The following ANOS1 variants were observed in gnomAD, a reference collection of about 807,000 sequenced individuals.
The protein encoded by ANOS1 is anosmin 1.
A neutral mutation model predicts 59.0 loss-of-function variants in ANOS1; 6 were observed. That is an observed-to-expected ratio of 0.10 (90% CI 0.06 to 0.20). The LOEUF is 0.20. Among genes scored for constraint, ANOS1 ranks in the 10% least tolerant of loss-of-function variants. The pLI is 1.00. For synonymous variants in ANOS1, 217 were observed against 223.4 expected (o/e 0.97, Z 0.25); for missense variants, 433 against 542.3 (o/e 0.80, Z 2.00).
intron 3 of ANOS1, among the ~76,000 whole-genome samples, chrX:8,599,817 C>T (rs1235823858): frequency 8.9e-6 from 1 of 111,769 alleles, no homozygotes; most frequent in African/African-American, 3.3e-5. Context: ...GGCTATTAAC[C>T]AGAGAGTATT....
chrX:8,656,554 C>T (rs770510433), intron 2 of ANOS1, among the ~76,000 whole-genome samples: 2 of 111,352 alleles, frequency 1.8e-5, no homozygotes, highest in African/African-American at 6.5e-5. Flanking sequence ...CATTCATCCT[C>T]GTCTAAGTTG....
At chrX:8,630,344 T>A (rs914367679) in intron 2 of ANOS1, among the ~76,000 whole-genome samples, 1 of 110,347 alleles carries the variant, frequency 9.1e-6, no homozygotes, top group African/African-American at 3.3e-5. Context: ...GGTGGGAGAA[T>A]TGCTTGAACC....
At chrX:8,564,814 G>A (rs914016751) in intron 8 of ANOS1, among the ~76,000 whole-genome samples, 1 of 111,302 alleles carries the variant, frequency 9.0e-6, no homozygotes, top group African/African-American at 3.3e-5. Flanking sequence ...TGTACTCCAT[G>A]TAATAGATAT....
intron 9 of ANOS1, among the ~76,000 whole-genome samples, chrX:8,553,611 T>C (rs1929892213): frequency 9.0e-6 from 1 of 111,618 alleles, no homozygotes; most frequent in Admixed American, 9.6e-5. Flanking sequence ...CTTTCTAAAT[T>C]ATTTGTATTA....
At chrX:8,613,158 T>G (rs1931093448) in intron 3 of ANOS1, among the ~76,000 whole-genome samples, 1 of 111,931 alleles carries the variant, frequency 8.9e-6, no homozygotes, top group Non-Finnish European at 1.9e-5. Context: ...GTGTTTTTTG[T>G]TTTTATTTAT....
intron 1 of ANOS1, among the ~76,000 whole-genome samples, chrX:8,700,353 G>A (rs1932744338): frequency 9.2e-6 from 1 of 108,656 alleles, no homozygotes; most frequent in East Asian, 2.9e-4. Context: ...GGCAGAGCAG[G>A]AGAGAGAGAG....
At chrX:8,714,301 A>G (rs1932829419) in intron 1 of ANOS1, among the ~76,000 whole-genome samples, 1 of 111,947 alleles carries the variant, frequency 8.9e-6, no homozygotes, top group Non-Finnish European at 1.9e-5. Flanking sequence ...AAAGCTTGAC[A>G]GGTGCAATAT....
At chrX:8,664,111 C>G (rs947893667) in intron 2 of ANOS1, among the ~76,000 whole-genome samples, 1 of 111,793 alleles carries the variant, frequency 8.9e-6, no homozygotes, top group Non-Finnish European at 1.9e-5. Flanking sequence ...TTGATAGGTG[C>G]GACAAACCAT....
chrX:8,557,394 G>A (rs560526337), intron 8 of ANOS1, among the ~76,000 whole-genome samples: 14 of 111,362 alleles, frequency 1.3e-4, no homozygotes, highest in African/African-American at 4.6e-4. Context: ...GGCAACTACA[G>A]AATGGGAGAA....
At chrX:8,662,108 T>C (rs1932048147) in intron 2 of ANOS1, among the ~76,000 whole-genome samples, 1 of 111,676 alleles carries the variant, frequency 9.0e-6, no homozygotes, top group South Asian at 3.8e-4. Flanking sequence ...GCATCTGTAG[T>C]CCTGCATCAG....
chrX:8,548,282 C>T (rs751594663), intron 9 of ANOS1, among the ~76,000 whole-genome samples: 1 of 112,070 alleles, frequency 8.9e-6, no homozygotes, highest in South Asian at 3.7e-4. Context: ...TTTGTTTTTA[C>T]ACCCTATTAT....
At chrX:8,639,667 G>A (rs1931627233) in intron 2 of ANOS1, among the ~76,000 whole-genome samples, 1 of 112,143 alleles carries the variant, frequency 8.9e-6, no homozygotes, top group Non-Finnish European at 1.9e-5. Context: ...TTTTAAAGAG[G>A]AAATGTGATA....
chrX:8,536,025 C>T (rs974132248), intron 11 of ANOS1, among the ~76,000 whole-genome samples: 6 of 110,454 alleles, frequency 5.4e-5, no homozygotes, highest in African/African-American at 2.0e-4. Flanking sequence ...GTACTAAATG[C>T]TTCTTCCAGT....
At chrX:8,564,890 G>A (rs1478488459) in intron 8 of ANOS1, among the ~76,000 whole-genome samples, 2 of 111,590 alleles carry the variant, frequency 1.8e-5, no homozygotes, top group Admixed American at 9.6e-5. Flanking sequence ...TGCACTCCAT[G>A]TGCAATGTGG....
At chrX:8,582,271 G>C (rs1930439235) in intron 6 of ANOS1, among the ~76,000 whole-genome samples, 1 of 112,600 alleles carries the variant, frequency 8.9e-6, no homozygotes, top group Non-Finnish European at 1.9e-5. Flanking sequence ...AAGTAGCATG[G>C]CTAAAGATGG....
intron 3 of ANOS1, among the ~76,000 whole-genome samples, chrX:8,600,408 T>C (rs2146829551): frequency 8.9e-6 from 1 of 112,275 alleles, no homozygotes; most frequent in Admixed American, 9.4e-5. Context: ...AATTTCAAGG[T>C]TTGAATTAGA....
chrX:8,707,205 T>C (rs1446029150), intron 1 of ANOS1, among the ~76,000 whole-genome samples: 1 of 112,238 alleles, frequency 8.9e-6, no homozygotes, highest in Non-Finnish European at 1.9e-5. Flanking sequence ...CTCTGGCACA[T>C]AGCAGCGTGC....
At chrX:8,663,668 C>G (rs192478218) in intron 2 of ANOS1, among the ~76,000 whole-genome samples, 85 of 111,825 alleles carry the variant, frequency 7.6e-4, no homozygotes, top group African/African-American at 2.6e-3. Context: ...CTAACTCCCT[C>G]TGAATGTGAT....
At chrX:8,546,752 CAT>C (rs1196472906) in intron 9 of ANOS1, among the ~76,000 whole-genome samples, 1 of 112,039 alleles carries the variant, frequency 8.9e-6, no homozygotes. Context: ...TCCCATGAAA[CAT>C]ATCATAATTC....
Sources: gnomAD v4.1 joint callset for allele counts (sites outside exome capture counted in the v4.1 genomes callset) on GRCh38, gnomAD v4.1.1 for gene constraint, MANE v1.5 for transcripts, NCBI Gene and HGNC (gene_info 2026-07-23, HGNC 2026-07-21) for gene names.